The following AZIN2 variants were observed in gnomAD, a reference collection of about 807,000 sequenced individuals.
AZIN2 encodes antizyme inhibitor 2.
Under a neutral mutation model 47.8 loss-of-function variants are expected in AZIN2, and 28 were observed. That is an observed-to-expected ratio of 0.59 (90% CI 0.43 to 0.80). The LOEUF is 0.80. Ranked by LOEUF, AZIN2 falls within the 30% of genes least tolerant of loss-of-function variation. AZIN2 has a pLI of 0.00. For synonymous variants in AZIN2, 221 were observed against 239.4 expected (o/e 0.92, Z 0.71); for missense variants, 535 against 582.5 (o/e 0.92, Z 0.84).
At chr1:33,134,242 G>A in the AZIN2 span, among the ~76,000 whole-genome samples, 3 of 152,214 alleles carry the variant, frequency 2.0e-5, no homozygotes, top group Non-Finnish European at 1.5e-5. Context: ...CGACTCATTT[G>A]ATCCTCACAG....
Position 33,092,349 on chromosome 1 carries a change from G to C in AZIN2, c.452+127G>C, listed in dbSNP as rs528362512. 6.6e-5 allele frequency: 58 copies of C among 878,450 alleles called. No homozygotes were observed. In the Admixed American group the frequency reaches 1.2e-3, roughly 18 times the overall value. 54.4% of individuals were successfully genotyped at this position (878,450 alleles called of 1,614,324 possible). A position where few individuals can be genotyped will look rare whatever the true frequency, so the allele number is the denominator to read the frequency against. ...GGAAGGCTGGGCTTCAGAGTGAAGG[G>C]GGGGGTGGGGTGAGGGGGTGGAGCT... On this transcript the variant is annotated intron_variant, in intron 6 of 11. Transcript: ENST00000294517.
chr1:33,105,175 T>C (rs371716701), intron 10 of AZIN2, among the ~76,000 whole-genome samples: 1 of 152,250 alleles, frequency 6.6e-6, no homozygotes, highest in African/African-American at 2.4e-5. Context: ...ATCTCTAATT[T>C]ACAATGCTGT....
At chr1:33,085,246 A>G (rs1447045346) in intron 5 of AZIN2, among the ~76,000 whole-genome samples, 1 of 151,676 alleles carries the variant, frequency 6.6e-6, no homozygotes, top group Non-Finnish European at 1.5e-5. Context: ...AAAAAAAAAA[A>G]GATGAAATAA....
chr1:33,129,693 T>C, the AZIN2 span, among the ~76,000 whole-genome samples: 1 of 152,176 alleles, frequency 6.6e-6, no homozygotes, highest in African/African-American at 2.4e-5. This position sits in a 1 kb window ranked among gnomAD's most constrained non-coding sequence, Gnocchi z 4.1. Context: ...TGGTCCACAC[T>C]GGAGATTCTC....
intron 8 of AZIN2, 106 bp from the exon 9 acceptor site, chr1:33,096,601 G>A (rs916042019): frequency 3.2e-5 from 45 of 1,426,442 alleles, no homozygotes; most frequent in African/African-American, 1.1e-4. Flanking sequence ...TCCTTCTTCC[G>A]GAAATCAAAG....
At chr1:33,157,413 G>A in the AZIN2 span, among the ~76,000 whole-genome samples, 1 of 151,976 alleles carries the variant, frequency 6.6e-6, no homozygotes, top group African/African-American at 2.4e-5. Flanking sequence ...TGACTCTAAT[G>A]CTTCCTTCTC....
At chr1:33,161,127 A>T in the AZIN2 span, among the ~76,000 whole-genome samples, 2 of 152,238 alleles carry the variant, frequency 1.3e-5, no homozygotes. The surrounding 1 kb of genome is among the most constrained non-coding windows in gnomAD (Gnocchi z 4.3). Flanking sequence ...GGTGAAGATG[A>T]AATGAGGGGG....
rs776851719 is a variant in AZIN2 at position 33,098,170 on chromosome 1, C to G, written c.1020C>G (p.Ile340Met). 4.3e-6 allele frequency: 7 copies of G among 1,610,062 alleles called. No individual in the cohort carries two copies. Among genetic ancestry groups the G allele is most frequent in the Non-Finnish European group, 5.9e-6 (7 of 1,178,256 alleles). Residue 340 changes from isoleucine (I) to methionine (M), a missense_variant, in exon 10 of 12, where the codon ATC becomes ATG. Physicochemically the swap from Ile to Met is conservative, Grantham distance 10. This residue lies in a region of AZIN2 where 409 missense variants were observed against 429.0 expected (regional missense o/e 0.95). Transcript: ENST00000294517. ...TTGACAACATCTGCCCTACCCCCATCCTGCAGAAGGTGAGCTTACCCCACG... is the reference window on the plus strand; with the variant it reads ...TTGACAACATCTGCCCTACCCCCATGCTGCAGAAGGTGAGCTTACCCCACG... ...VLFDNICPTPILQKKPSTEQP... is the reference protein window; with the variant it reads ...VLFDNICPTPMLQKKPSTEQP...
chr1:33,165,289 T>G, the AZIN2 span: 1 of 540,498 alleles, frequency 1.9e-6, no homozygotes, highest in Non-Finnish European at 3.3e-6. The surrounding 1 kb of genome is among the most constrained non-coding windows in gnomAD (Gnocchi z 4.0). Flanking sequence ...TGCCGCCCCA[T>G]TGAACTTCAC....
intron 10 of AZIN2, among the ~76,000 whole-genome samples, chr1:33,112,263 G>A (rs895573688): frequency 3.3e-5 from 5 of 152,032 alleles, no homozygotes; most frequent in African/African-American, 1.2e-4. Context: ...CAAGTTCCTA[G>A]GCCTATATTG....
At chr1:33,147,145 T>C in the AZIN2 span, 2 of 1,601,328 alleles carry the variant, frequency 1.2e-6, no homozygotes, top group South Asian at 1.1e-5. This position sits in a 1 kb window ranked among gnomAD's most constrained non-coding sequence, Gnocchi z 8.1. Context: ...GTGGCAGTGG[T>C]CCCAGGAGGT....
chr1:33,149,192 C>G, the AZIN2 span, among the ~76,000 whole-genome samples: 1 of 152,092 alleles, frequency 6.6e-6, no homozygotes, highest in African/African-American at 2.4e-5. Context: ...TTGCTTTATC[C>G]CCCAGGCGGG....
the AZIN2 span, among the ~76,000 whole-genome samples, chr1:33,133,770 C>G: frequency 6.6e-6 from 1 of 152,186 alleles, no homozygotes; most frequent in South Asian, 2.1e-4. Context: ...TCCCACGACA[C>G]GGAGGAGGCA....
rs1256135234 is a variant in AZIN2 at position 33,092,190 on chromosome 1, G to A, written c.420G>A (p.Leu140=). 6.2e-7 allele frequency: 1 copy of A among 1,614,182 alleles called. No individual in the cohort carries two copies. The highest frequency in any genetic ancestry group is 1.7e-5 in the Admixed American group (1 of 60,018). Residue 140 remains leucine, a synonymous_variant, in exon 6 of 12, where the codon CTG becomes CTA. Transcript: ENST00000294517. Reference sequence around the variant, plus strand: ...TGAGCTTTGACAATGAGATGGAGCTGGCAAAGGTGGTAAAGAGCCACCCCA... The same window carrying A: ...TGAGCTTTGACAATGAGATGGAGCTAGCAAAGGTGGTAAAGAGCCACCCCA... The part of the protein sequence containing the change: ...QLLSFDNEME[L]AKVVKSHPSA...
the AZIN2 span, chr1:33,146,906 G>A: frequency 1.0e-5 from 5 of 489,638 alleles, no homozygotes; most frequent in Non-Finnish European, 1.8e-5. Flanking sequence ...ATGAGGGTTG[G>A]GCAGGGGTTG....
At chr1:33,101,962 G>A (rs1643738224) in intron 10 of AZIN2, 2 of 744,288 alleles carry the variant, frequency 2.7e-6, no homozygotes, top group Middle Eastern at 2.3e-4. Flanking sequence ...CTGTCTTTGG[G>A]TTTTTGCTAC....
At chr1:33,110,939 C>G (rs541205828) in intron 10 of AZIN2, among the ~76,000 whole-genome samples, 71 of 152,332 alleles carry the variant, frequency 4.7e-4, no homozygotes, top group African/African-American at 1.7e-3. Flanking sequence ...CTTAGAAACA[C>G]AGAGGAGGAG....
the AZIN2 span, chr1:33,165,455 C>A: frequency 1.9e-6 from 3 of 1,576,448 alleles, no homozygotes; most frequent in Admixed American, 1.8e-5. The surrounding 1 kb of genome is among the most constrained non-coding windows in gnomAD (Gnocchi z 4.0). Context: ...CACCTCCGCG[C>A]CCCGGCCAGG....
chr1:33,084,144 C>A lies in AZIN2; in HGVS notation c.279+17C>A, dbSNP rs558055201. 2.1e-5 allele frequency: 33 copies of A among 1,605,284 alleles called. No individual in the cohort carries two copies. Among genetic ancestry groups the A allele is most frequent in the Non-Finnish European group, 2.7e-5 (32 of 1,179,866 alleles). On this transcript the variant is annotated intron_variant, in intron 5 of 11. Coordinates refer to ENST00000294517, the MANE Select transcript of AZIN2 (RefSeq NM_052998.4). ...GCCAACAAGGTGAGCCCTGCCCGCA[C>A]GGTGCACTGACCCTCCATGCCCACT...
Sources: gnomAD v4.1 joint callset for allele counts (sites outside exome capture counted in the v4.1 genomes callset) on GRCh38, gnomAD v4.1.1 for gene constraint, gnomAD v4.1.1 regional missense constraint, Gnocchi (gnomAD v3.1) non-coding constraint, MANE v1.5 for transcripts, NCBI Gene and HGNC (gene_info 2026-07-23, HGNC 2026-07-21) for gene names.